JAZF1: variants seen among roughly 807,000 people sequenced by gnomAD.
JAZF1 encodes juxtaposed with another zinc finger protein 1.
Under a neutral mutation model 26.4 loss-of-function variants are expected in JAZF1, and 8 were observed. The observed-to-expected ratio is 0.30, with a 90% CI of 0.18 to 0.55. JAZF1 has a LOEUF of 0.55. Among genes scored for constraint, JAZF1 ranks in the 20% least tolerant of loss-of-function variants. The probability of loss-of-function intolerance (pLI) is 0.94; values close to 1 mark genes in which losing one functional copy is unlikely to be tolerated. For missense variants in JAZF1, 199 were observed against 322.0 expected, an observed-to-expected ratio of 0.62 and a Z score of 2.92; for synonymous variants, 126 against 122.3, an observed-to-expected ratio of 1.03 and a Z score of -0.20.
At chr7:28,140,561 C>A (rs1013805557) in intron 1 of JAZF1, among the ~76,000 whole-genome samples, 1 of 152,028 alleles carries the variant, frequency 6.6e-6, no homozygotes, top group African/African-American at 2.4e-5. Context: ...CTCAGTAGAT[C>A]CGGGGTGGGG....
chr7:27,905,244 A>G (rs1000706319), intron 2 of JAZF1, among the ~76,000 whole-genome samples: 2 of 152,184 alleles, frequency 1.3e-5, no homozygotes, highest in Non-Finnish European at 2.9e-5. Context: ...GATTACAGGC[A>G]TGAGCTACCC....
intron 2 of JAZF1, among the ~76,000 whole-genome samples, chr7:27,915,458 G>A (rs992152662): frequency 6.6e-6 from 1 of 152,100 alleles, no homozygotes; most frequent in South Asian, 2.1e-4. Flanking sequence ...ATTAATCAAG[G>A]TGCATAATTT....
At chr7:28,152,443 T>C (rs1040904753) in intron 1 of JAZF1, among the ~76,000 whole-genome samples, 1 of 152,210 alleles carries the variant, frequency 6.6e-6, no homozygotes, top group Non-Finnish European at 1.5e-5. Flanking sequence ...ATCTCCCAGT[T>C]ACCCCACTGT....
chr7:27,887,110 C>A (rs548611039), intron 3 of JAZF1, among the ~76,000 whole-genome samples: 1 of 151,932 alleles, frequency 6.6e-6, no homozygotes, highest in South Asian at 2.1e-4. Flanking sequence ...CATACTGGGG[C>A]CTTTCGGAGG....
chr7:27,899,625 G>A (rs1784133274), intron 2 of JAZF1, among the ~76,000 whole-genome samples: 1 of 151,796 alleles, frequency 6.6e-6, no homozygotes, highest in Admixed American at 6.6e-5. Context: ...TGTAGAGATG[G>A]GGTCTCTCTA....
intron 3 of JAZF1, among the ~76,000 whole-genome samples, chr7:27,849,875 A>G (rs1783111246): frequency 6.6e-6 from 1 of 151,718 alleles, no homozygotes; most frequent in Non-Finnish European, 1.5e-5. Context: ...ACTGGCCACA[A>G]GAAGATTTCC....
intron 1 of JAZF1, among the ~76,000 whole-genome samples, chr7:28,008,018 C>T (rs1782734301): frequency 6.6e-6 from 1 of 152,108 alleles, no homozygotes; most frequent in African/African-American, 2.4e-5. Flanking sequence ...ACTGTTACTG[C>T]ACCTGCATCT....
intron 3 of JAZF1, among the ~76,000 whole-genome samples, chr7:27,863,137 A>C (rs188366169): frequency 6.6e-6 from 1 of 152,230 alleles, no homozygotes; most frequent in Non-Finnish European, 1.5e-5. Flanking sequence ...ATGTGCTTCA[A>C]AATGTTATTT....
chr7:27,895,203 A>AG lies in JAZF1; in HGVS notation c.385+16dup. The AG allele has an allele frequency of 6.5e-7, 1 of 1,546,228 alleles. No homozygotes were observed. The highest frequency in any genetic ancestry group is 8.8e-7 in the Non-Finnish European group (1 of 1,141,342). ...CCCCTCTCCTCCTTCTCAAGGCGGT[A>AG]GGGCCAGGCCACTCACCTGTCGGAG... On this transcript the variant is annotated intron_variant, in intron 3 of 4. Transcript: ENST00000283928.
chr7:27,838,808 G>A (rs1583423367), intron 4 of JAZF1, among the ~76,000 whole-genome samples: 1 of 152,268 alleles, frequency 6.6e-6, no homozygotes, highest in African/African-American at 2.4e-5. Flanking sequence ...TGTGTATCAT[G>A]ACCTGGCATT....
At chr7:28,010,338 G>T (rs1782777888) in intron 1 of JAZF1, among the ~76,000 whole-genome samples, 1 of 152,112 alleles carries the variant, frequency 6.6e-6, no homozygotes, top group Non-Finnish European at 1.5e-5. Flanking sequence ...CGTCCCCCTT[G>T]CAAGGCTGCC....
chr7:28,099,148 C>T (rs947676740), intron 1 of JAZF1, among the ~76,000 whole-genome samples: 15 of 152,156 alleles, frequency 9.9e-5, no homozygotes, highest in African/African-American at 3.6e-4. Context: ...GGAATGGAAA[C>T]CTTCCTCTTC....
At chr7:28,159,139 T>C (rs1371644507) in intron 1 of JAZF1, among the ~76,000 whole-genome samples, 6 of 151,572 alleles carry the variant, frequency 4.0e-5, no homozygotes, top group Non-Finnish European at 5.9e-5. Context: ...AATAGCAAAA[T>C]AGGCAGGAAG....
intron 1 of JAZF1, among the ~76,000 whole-genome samples, chr7:28,030,297 G>C (rs918291901): frequency 3.3e-5 from 5 of 152,222 alleles, no homozygotes; most frequent in Non-Finnish European, 7.3e-5. Flanking sequence ...ATGCGGACAG[G>C]AGTAAGAGAT....
chr7:27,879,594 A>G (rs1783733486), intron 3 of JAZF1, among the ~76,000 whole-genome samples: 1 of 152,170 alleles, frequency 6.6e-6, no homozygotes, highest in Non-Finnish European at 1.5e-5. Context: ...TAATGGTCTA[A>G]AACTTGGTGG....
At chr7:28,009,922 C>T (rs1782770802) in intron 1 of JAZF1, among the ~76,000 whole-genome samples, 1 of 152,206 alleles carries the variant, frequency 6.6e-6, no homozygotes, top group South Asian at 2.1e-4. Context: ...TGTGTTAAGT[C>T]CACTCCCACA....
chr7:28,070,109 G>A (rs1398148956), intron 1 of JAZF1, among the ~76,000 whole-genome samples: 2 of 152,192 alleles, frequency 1.3e-5, no homozygotes, highest in African/African-American at 2.4e-5. Flanking sequence ...CTCTGCCCTT[G>A]ATTGGTCCTC....
intron 3 of JAZF1, among the ~76,000 whole-genome samples, chr7:27,868,931 C>G (rs931152980): frequency 6.6e-6 from 1 of 152,136 alleles, no homozygotes; most frequent in African/African-American, 2.4e-5. Flanking sequence ...ATGAAAGGGA[C>G]GATATTTTTC....
At chr7:27,848,619 T>C (rs1019153613) in intron 3 of JAZF1, among the ~76,000 whole-genome samples, 2 of 152,156 alleles carry the variant, frequency 1.3e-5, no homozygotes, top group African/African-American at 4.8e-5. Context: ...ATCCCTTTTA[T>C]TGGGATGGTT....
Sources: allele counts gnomAD v4.1 joint callset (sites outside exome capture counted in the v4.1 genomes callset), GRCh38; gene constraint gnomAD v4.1.1; transcripts MANE v1.5; gene names NCBI Gene and HGNC (gene_info 2026-07-23, HGNC 2026-07-21).